The following CRPPA variants were observed in gnomAD, a reference collection of about 807,000 sequenced individuals.
CRPPA encodes CDP-L-ribitol pyrophosphorylase A, also known as D-ribitol-5-phosphate cytidylyltransferase.
A neutral mutation model predicts 52.0 loss-of-function variants in CRPPA; 43 were observed. The observed-to-expected ratio is 0.83, with a 90% confidence interval of 0.65 to 1.07. CRPPA has a LOEUF of 1.07. CRPPA is among the 50% of genes least tolerant of loss of function. CRPPA has a pLI of 0.00. For missense variants in CRPPA, 629 were observed against 551.7 expected, an observed-to-expected ratio of 1.14 and a Z score of -1.40; for synonymous variants, 250 against 203.5, an observed-to-expected ratio of 1.23 and a Z score of -1.94.
intron 3 of CRPPA, among the ~76,000 whole-genome samples, chr7:16,309,565 T>G (rs1435571210): frequency 2.6e-5 from 4 of 152,206 alleles, no homozygotes; most frequent in Non-Finnish European, 1.5e-5. Flanking sequence ...AAAAGGTGCT[T>G]TGCAAAGTTA....
intron 3 of CRPPA, among the ~76,000 whole-genome samples, chr7:16,339,085 G>C (rs890755655): frequency 1.3e-5 from 2 of 152,050 alleles, no homozygotes; most frequent in Admixed American, 6.5e-5. Flanking sequence ...GATTACAGGC[G>C]TGAGCCACCG....
intron 6 of CRPPA, among the ~76,000 whole-genome samples, chr7:16,275,313 G>A (rs1422807014): frequency 6.6e-6 from 1 of 152,064 alleles, no homozygotes; most frequent in African/African-American, 2.4e-5. Context: ...CCACATGAAC[G>A]TTCTCTGCTA....
intron 3 of CRPPA, among the ~76,000 whole-genome samples, chr7:16,361,469 A>C (rs558914286): frequency 6.6e-6 from 1 of 152,358 alleles, no homozygotes; most frequent in African/African-American, 2.4e-5. Context: ...AAGTGTGTCC[A>C]TTAACAGATG....
chr7:16,266,557 C>T (rs866405958), intron 6 of CRPPA, among the ~76,000 whole-genome samples: 1 of 151,516 alleles, frequency 6.6e-6, no homozygotes, highest in Non-Finnish European at 1.5e-5. Flanking sequence ...TGGCTCACTG[C>T]AACCTCTGCC....
chr7:16,337,246 T>C (rs1414943398), intron 3 of CRPPA, among the ~76,000 whole-genome samples: 1 of 152,172 alleles, frequency 6.6e-6, no homozygotes, highest in Non-Finnish European at 1.5e-5. Context: ...TTAAGAGGCT[T>C]GAAATCTTCT....
intron 9 of CRPPA, among the ~76,000 whole-genome samples, chr7:16,097,033 T>C (rs993906315): frequency 1.6e-4 from 25 of 152,306 alleles, no homozygotes; most frequent in African/African-American, 6.0e-4. Flanking sequence ...GGAGCTAAAC[T>C]TGATTTGTTG....
intron 8 of CRPPA, among the ~76,000 whole-genome samples, chr7:16,257,894 T>C (rs996785276): frequency 3.9e-5 from 6 of 151,928 alleles, no homozygotes; most frequent in African/African-American, 1.5e-4. Context: ...CATGGAAAAA[T>C]CTCCCAAAAT....
In CRPPA at chr7:16,384,146, C is replaced by T. The variant is rs529224947; in HGVS notation, c.535-7905G>A. On this transcript the variant is annotated intron_variant, in intron 2 of 9. Transcript: ENST00000407010. Reference sequence around the variant, plus strand: ...CCTATTCAGCCATCTTGGCTGCAGCCGTGTTAGGGCCACTCATGATGCAGT... The same window carrying T: ...CCTATTCAGCCATCTTGGCTGCAGCTGTGTTAGGGCCACTCATGATGCAGT... 6.6e-5 allele frequency among the ~76,000 whole-genome samples: 10 copies of T among 152,134 alleles called. No homozygotes were observed. The East Asian group carries it at 9.7e-4, about 15-fold the overall frequency.
intron 8 of CRPPA, among the ~76,000 whole-genome samples, chr7:16,248,701 T>C (rs991652691): frequency 2.0e-5 from 3 of 152,104 alleles, no homozygotes; most frequent in Admixed American, 6.5e-5. Flanking sequence ...GTTCATCTCA[T>C]TGGGACTGGT....
chr7:16,380,181 T>C (rs1443909362), intron 2 of CRPPA, among the ~76,000 whole-genome samples: 2 of 151,542 alleles, frequency 1.3e-5, no homozygotes, highest in Middle Eastern at 3.4e-3. Flanking sequence ...CCTAATTTAT[T>C]GAGAGTTTTT....
chr7:16,095,425 A>C (rs991098194), intron 9 of CRPPA, among the ~76,000 whole-genome samples: 1 of 152,176 alleles, frequency 6.6e-6, no homozygotes, highest in Admixed American at 6.5e-5. Flanking sequence ...TAGATAAGAC[A>C]TGTAAAGCAC....
chr7:16,368,742 G>T (rs566856045), intron 3 of CRPPA, among the ~76,000 whole-genome samples: 76 of 152,128 alleles, frequency 5.0e-4, no homozygotes, highest in African/African-American at 1.8e-3. Context: ...CAATTTTATT[G>T]ATCTCTAGAA....
chr7:16,155,393 A>T (rs938463501), intron 9 of CRPPA, among the ~76,000 whole-genome samples: 1 of 152,166 alleles, frequency 6.6e-6, no homozygotes, highest in Admixed American at 6.5e-5. Flanking sequence ...TTCATGGACA[A>T]CATAAGTCTA....
At chr7:16,109,097 T>C (rs146351520) in intron 9 of CRPPA, among the ~76,000 whole-genome samples, 275 of 151,494 alleles carry the variant, frequency 1.8e-3, no homozygotes, top group African/African-American at 6.1e-3. Flanking sequence ...CAAAAGTAAA[T>C]ATAAGAGATT....
chr7:16,253,625 T>C (rs555053876), intron 8 of CRPPA, among the ~76,000 whole-genome samples: 16 of 152,348 alleles, frequency 1.1e-4, no homozygotes, highest in African/African-American at 3.4e-4. Flanking sequence ...TTAGGTCCGC[T>C]TGGTGCAGAG....
intron 2 of CRPPA, among the ~76,000 whole-genome samples, chr7:16,389,456 C>G (rs1277236079): frequency 6.6e-6 from 1 of 150,382 alleles, no homozygotes. Context: ...TTCAACATAT[C>G]AAAAAAAAAG....
rs1781809332 is a variant in CRPPA at position 16,090,366 on chromosome 7, A to G, written c.*1329T>C. ...ACTGAAAACACTTCATGCAACTTTTATAGTTTCCACGTGCAGCCTAAGCCC... is the reference window on the plus strand; with the variant it reads ...ACTGAAAACACTTCATGCAACTTTTGTAGTTTCCACGTGCAGCCTAAGCCC... On this transcript the variant is annotated 3_prime_UTR_variant, in exon 10 of 10. Transcript: ENST00000407010. 1 of 152,080 alleles carries G rather than the reference A, an allele frequency of 6.6e-6. No individual in the cohort carries two copies. The highest frequency in any genetic ancestry group is 1.5e-5 in the Non-Finnish European group (1 of 68,010). 9.4% of individuals were successfully genotyped at this position (152,080 alleles called of 1,614,324 possible).
In CRPPA at chr7:16,286,097, A is replaced by AAAAAAAATATATAT; in HGVS notation, c.836-7872_836-7871insATATATATTTTTTT. 2.0e-3 allele frequency among the ~76,000 whole-genome samples: 79 copies of AAAAAAAATATATAT among 39,106 alleles called. 1 individual carries two copies. Among genetic ancestry groups the AAAAAAAATATATAT allele is most frequent in the Admixed American group, 2.6e-3 (8 of 3,052 alleles). The allele number at this position is 39,106 out of a possible 152,430, so 25.7% of individuals were successfully genotyped here. On this transcript the variant is annotated intron_variant, in intron 5 of 9. Coordinates refer to ENST00000407010, the MANE Select transcript of CRPPA (RefSeq NM_001101426.4). ...TATATATATAATATTTAAAAAAAAA[A>AAAAAAAATATATAT]ATATATATATATATATATATGCCAA... is the stretch of plus-strand genomic sequence containing the variant.
At chr7:16,265,170 A>G (rs1031421952) in intron 6 of CRPPA, among the ~76,000 whole-genome samples, 1 of 152,216 alleles carries the variant, frequency 6.6e-6, no homozygotes, top group Admixed American at 6.5e-5. Flanking sequence ...GCTGCTAACC[A>G]TGAATGGTAA....
Sources: gnomAD v4.1 joint callset for allele counts (sites outside exome capture counted in the v4.1 genomes callset) on GRCh38, gnomAD v4.1.1 for gene constraint, MANE v1.5 for transcripts, NCBI Gene and HGNC (gene_info 2026-07-23, HGNC 2026-07-21) for gene names.